The following MARCHF1 variants were observed in gnomAD, a reference collection of about 807,000 sequenced individuals.
The protein encoded by MARCHF1 is membrane associated ring-CH-type finger 1, also known as E3 ubiquitin-protein ligase MARCHF1.
In MARCHF1, 40 loss-of-function variants were observed where a neutral mutation model predicts 54.2. The ratio of observed to expected loss-of-function variants is 0.74; its 90% CI spans 0.57 to 0.96. The LOEUF is 0.96. Ranked by LOEUF, MARCHF1 falls within the 40% of genes least tolerant of loss-of-function variation. MARCHF1 has a pLI of 0.00. For missense variants in MARCHF1, 586 were observed against 656.5 expected (o/e 0.89, Z 1.17); for synonymous variants, 236 against 236.3 (o/e 1.00, Z 0.01).
intron 1 of MARCHF1, among the ~76,000 whole-genome samples, chr4:164,336,711 G>A (rs1385184667): frequency 6.6e-6 from 1 of 152,126 alleles, no homozygotes; most frequent in Non-Finnish European, 1.5e-5. Flanking sequence ...ACAATTCAAA[G>A]GTTACTACCA....
intron 1 of MARCHF1, among the ~76,000 whole-genome samples, chr4:164,218,924 C>A (rs540998895): frequency 2.7e-5 from 4 of 150,746 alleles, no homozygotes; most frequent in East Asian, 1.9e-4. Context: ...GGGCATGAAC[C>A]ATTTTATATA....
chr4:164,360,702 T>C (rs1385186852), intron 1 of MARCHF1, among the ~76,000 whole-genome samples: 1 of 152,034 alleles, frequency 6.6e-6, no homozygotes, highest in African/African-American at 2.4e-5. Context: ...GGAGAAACAC[T>C]ACAGTAAGTG....
chr4:164,340,764 C>G (rs1219122774), intron 1 of MARCHF1, among the ~76,000 whole-genome samples: 1 of 151,644 alleles, frequency 6.6e-6, no homozygotes, highest in Non-Finnish European at 1.5e-5. Context: ...CACCATGTTG[C>G]CCAGGGTGGC....
intron 3 of MARCHF1, among the ~76,000 whole-genome samples, chr4:163,940,876 G>T (rs573782579): frequency 6.6e-6 from 1 of 152,200 alleles, no homozygotes; most frequent in South Asian, 2.1e-4. Flanking sequence ...AATAACATGA[G>T]ATAAACATAT....
Position 164,073,580 on chromosome 4 carries a change from G to T in MARCHF1, c.-248+38008C>A, listed in dbSNP as rs577859289. Among the ~76,000 whole-genome samples the T allele has an allele frequency of 2.3e-3, 348 of 151,898 alleles. 2 individuals carry two copies. The highest frequency in any genetic ancestry group is 7.9e-3 in the African/African-American group (329 of 41,436). On this transcript the variant is annotated intron_variant, in intron 2 of 9. Transcript: ENST00000514618. ...TTGCTAGGTGCAGCAAACCACCATG[G>T]CACATGCATACCTATATAACAAACC...
At chr4:164,002,483 G>C (rs780334153) in intron 2 of MARCHF1, among the ~76,000 whole-genome samples, 9 of 151,306 alleles carry the variant, frequency 5.9e-5, no homozygotes, top group Non-Finnish European at 1.2e-4. Context: ...AAAGATAATT[G>C]AACCTGAAAA....
At chr4:164,016,845 G>A (rs2110957152) in intron 2 of MARCHF1, among the ~76,000 whole-genome samples, 1 of 152,188 alleles carries the variant, frequency 6.6e-6, no homozygotes, top group South Asian at 2.1e-4. Context: ...ATAAATAATT[G>A]TGATAGATAT....
At chr4:163,959,341 AAC>A (rs1180371288) in intron 3 of MARCHF1, among the ~76,000 whole-genome samples, 2 of 150,898 alleles carry the variant, frequency 1.3e-5, no homozygotes, top group Admixed American at 1.3e-4. Context: ...AAAAAAAAAA[AAC>A]AACAAAAAAA....
chr4:163,788,580 C>T (rs1428719383), intron 4 of MARCHF1, among the ~76,000 whole-genome samples: 1 of 151,864 alleles, frequency 6.6e-6, no homozygotes, highest in Non-Finnish European at 1.5e-5. Context: ...GACTGTCTAT[C>T]AATTTGAGTT....
intron 1 of MARCHF1, among the ~76,000 whole-genome samples, chr4:164,224,506 C>T (rs575954824): frequency 4.6e-5 from 7 of 151,828 alleles, no homozygotes; most frequent in African/African-American, 1.2e-4. Flanking sequence ...ACCTACATCT[C>T]GCTAGCATGA....
At position 163,955,517 on chromosome 4, in the gene MARCHF1, G is replaced by A. The variant is rs115154524; in HGVS notation, c.-39+32984C>T. The stretch of plus-strand genomic sequence containing the variant: ...ACTCATACACTCACTCCACAGGCCC[G>A]TCCTGTCTGTGACTGTGCTGTGCTT... On this transcript the variant is annotated intron_variant, in intron 3 of 9. Transcript: ENST00000514618. Among the ~76,000 whole-genome samples, 1,510 of 152,100 alleles carry A rather than the reference G, an allele frequency of 9.9e-3. 24 individuals carry two copies. The highest frequency in any genetic ancestry group is 0.034 in the Middle Eastern group (10 of 294).
At chr4:164,072,742 T>C (rs1220687866) in intron 2 of MARCHF1, among the ~76,000 whole-genome samples, 2 of 151,654 alleles carry the variant, frequency 1.3e-5, no homozygotes, top group East Asian at 1.9e-4. Context: ...TAGTGTTCTA[T>C]ATTCTAGATT....
Position 163,931,645 on chromosome 4 carries a change from T to G in MARCHF1, c.-39+56856A>C, listed in dbSNP as rs967079521. Among the ~76,000 whole-genome samples the G allele has an allele frequency of 4.6e-5, 7 of 152,180 alleles. No homozygotes were observed. The East Asian group carries it at 1.3e-3, about 29-fold the overall frequency. ...TAAGCTACCAGGCTATGGTATTTGT[T>G]AGAGCAACCCAAAAGACTAAAACAA... On this transcript the variant is annotated intron_variant, in intron 3 of 9. Transcript: ENST00000514618.
intron 1 of MARCHF1, among the ~76,000 whole-genome samples, chr4:164,316,376 A>G (rs1271471103): frequency 1.3e-5 from 2 of 152,206 alleles, no homozygotes; most frequent in Non-Finnish European, 2.9e-5. Context: ...GCTAGTTAGT[A>G]TTCAGATCTC....
chr4:163,766,843 T>A (rs1326568680), intron 4 of MARCHF1, among the ~76,000 whole-genome samples: 1 of 152,162 alleles, frequency 6.6e-6, no homozygotes, highest in East Asian at 1.9e-4. Context: ...TTATGAAACA[T>A]CAGAGCTTTC....
chr4:164,256,616 AGACT>A (rs1443479621), intron 1 of MARCHF1, among the ~76,000 whole-genome samples: 3 of 151,922 alleles, frequency 2.0e-5, no homozygotes, highest in Non-Finnish European at 2.9e-5. Flanking sequence ...ACATGAACAC[AGACT>A]GAGAAAACTT....
At chr4:163,949,097 C>T (rs1176444493) in intron 3 of MARCHF1, among the ~76,000 whole-genome samples, 1 of 152,242 alleles carries the variant, frequency 6.6e-6, no homozygotes, top group African/African-American at 2.4e-5. Flanking sequence ...CTGCACTCAA[C>T]TCTCACTACC....
At chr4:163,690,086 T>C (rs1405737514) in intron 5 of MARCHF1, among the ~76,000 whole-genome samples, 1 of 152,244 alleles carries the variant, frequency 6.6e-6, no homozygotes, top group South Asian at 2.1e-4. Context: ...CTCCTGGTGA[T>C]AGGCCAGAGT....
chr4:163,611,827 A>G (rs1027288408), intron 7 of MARCHF1, among the ~76,000 whole-genome samples: 15 of 152,114 alleles, frequency 9.9e-5, no homozygotes, highest in African/African-American at 1.9e-4. Flanking sequence ...AGAACAAATT[A>G]AAGCCAACTG....
Sources: gnomAD v4.1 joint callset for allele counts (sites outside exome capture counted in the v4.1 genomes callset) on GRCh38, gnomAD v4.1.1 for gene constraint, MANE v1.5 for transcripts, NCBI Gene and HGNC (gene_info 2026-07-23, HGNC 2026-07-21) for gene names.